DCDC1: variants seen among roughly 807,000 people sequenced by gnomAD.
DCDC1 encodes the protein doublecortin domain-containing protein 1.
DCDC1 carries 200 observed loss-of-function variants against 178.3 expected under a neutral mutation model. The observed-to-expected ratio is 1.12, with a 90% CI of 1.00 to 1.26. The LOEUF is 1.26. Ranked by LOEUF, DCDC1 falls within the 50% of genes most tolerant of loss-of-function variation. The pLI, the probability that DCDC1 is intolerant of heterozygous loss-of-function variation, is 0.00. For missense variants in DCDC1, 1,983 were observed against 1,749.2 expected, an observed-to-expected ratio of 1.13 and a Z score of -2.38; for synonymous variants, 690 against 604.8, an observed-to-expected ratio of 1.14 and a Z score of -2.07.
intron 11 of DCDC1, among the ~76,000 whole-genome samples, chr11:31,124,029 A>G (rs1386097081): frequency 6.6e-6 from 1 of 152,048 alleles, no homozygotes; most frequent in Non-Finnish European, 1.5e-5. Context: ...GCTGGTATGG[A>G]AAGTATTTTA....
In DCDC1 at chr11:30,884,592, A is replaced by G. The variant is rs148363058; in HGVS notation, c.5083-3284T>C. ...ATAAATGTTAAAATATTAATAGTTT[A>G]CCTGTTCACTGAAAATAGGCATTTT... is the stretch of plus-strand genomic sequence containing the variant. On this transcript the variant is annotated intron_variant, in intron 36 of 38. Coordinates refer to ENST00000684477, the MANE Select transcript of DCDC1 (RefSeq NM_001387274.1). Among the ~76,000 whole-genome samples the G allele has an allele frequency of 5.7e-3, 868 of 152,262 alleles. 9 individuals are homozygous for G. The highest frequency in any genetic ancestry group is 0.01 in the Non-Finnish European group (694 of 68,004).
chr11:30,896,710 G>A (rs1228345178), intron 34 of DCDC1, among the ~76,000 whole-genome samples: 1 of 152,144 alleles, frequency 6.6e-6, no homozygotes, highest in Non-Finnish European at 1.5e-5. Context: ...GTGGGTAAAC[G>A]AGTTGCCTTT....
Position 30,958,628 on chromosome 11 carries a change from G to A in DCDC1, c.2592-6060C>T, listed in dbSNP as rs1466252121. On this transcript the variant is annotated intron_variant, in intron 20 of 38. Coordinates refer to ENST00000684477, the MANE Select transcript of DCDC1 (RefSeq NM_001387274.1). ...TGCAATAATCCCAGCATTACATGGT[G>A]GTGTGTCCTTAACAGCTAGAATACA... Among the ~76,000 whole-genome samples the A allele has an allele frequency of 2.0e-5, 3 of 152,212 alleles. No homozygotes were observed. The East Asian group carries it at 5.8e-4, about 29-fold the overall frequency.
chr11:31,342,118 GCTGGAGAACT>G (rs1950585130), intron 1 of DCDC1, among the ~76,000 whole-genome samples: 1 of 152,180 alleles, frequency 6.6e-6, no homozygotes, highest in Admixed American at 6.5e-5. Flanking sequence ...GGAGGGGACA[GCTGGAGAACT>G]TTCCTTTTGA....
intron 20 of DCDC1, among the ~76,000 whole-genome samples, chr11:30,984,004 G>A (rs891562313): frequency 3.3e-5 from 5 of 152,186 alleles, no homozygotes; most frequent in Middle Eastern, 3.2e-3. Flanking sequence ...CAATAGTGGA[G>A]GAATGCCAGT....
At chr11:31,020,540 C>T (rs1051139168) in intron 20 of DCDC1, among the ~76,000 whole-genome samples, 2 of 152,174 alleles carry the variant, frequency 1.3e-5, no homozygotes, top group African/African-American at 4.8e-5. Context: ...CTTCTCTTTC[C>T]TCATTTTCAG....
At chr11:30,934,309 T>A (rs994289253) in intron 21 of DCDC1, among the ~76,000 whole-genome samples, 4 of 152,148 alleles carry the variant, frequency 2.6e-5, no homozygotes, top group Non-Finnish European at 5.9e-5. Context: ...GCCATGTGTA[T>A]TTTCAGGTAT....
At chr11:31,081,730 A>C (rs1957189064) in intron 17 of DCDC1, among the ~76,000 whole-genome samples, 1 of 152,226 alleles carries the variant, frequency 6.6e-6, no homozygotes, top group Non-Finnish European at 1.5e-5. Context: ...AGAAAATTCT[A>C]CTAAAACCAT....
chr11:31,128,040 C>T (rs965274633), intron 10 of DCDC1, among the ~76,000 whole-genome samples: 2 of 151,974 alleles, frequency 1.3e-5, no homozygotes, highest in Middle Eastern at 3.4e-3. Flanking sequence ...CATGTATCTT[C>T]CTTTTTAGAA....
intron 9 of DCDC1, among the ~76,000 whole-genome samples, chr11:31,146,874 C>G (rs1964510256): frequency 6.6e-6 from 1 of 152,158 alleles, no homozygotes; most frequent in Non-Finnish European, 1.5e-5. Flanking sequence ...ACTTCCATGA[C>G]CTAGGACACA....
intron 20 of DCDC1, among the ~76,000 whole-genome samples, chr11:31,017,652 T>G (rs1952572950): frequency 6.6e-6 from 1 of 151,886 alleles, no homozygotes; most frequent in Non-Finnish European, 1.5e-5. Context: ...GAATCACAGC[T>G]CACTGCAGCC....
chr11:31,097,399 A>G (rs999261566), intron 15 of DCDC1, among the ~76,000 whole-genome samples: 1 of 152,230 alleles, frequency 6.6e-6, no homozygotes, highest in Non-Finnish European at 1.5e-5. Flanking sequence ...ATTCTATTGC[A>G]AAGAAATTTT....
At chr11:31,195,495 A>G (rs1970592726) in intron 9 of DCDC1, among the ~76,000 whole-genome samples, 2 of 152,042 alleles carry the variant, frequency 1.3e-5, no homozygotes, top group Non-Finnish European at 2.9e-5. Context: ...TTGGCAACTG[A>G]AGTTGTACGG....
At chr11:31,311,053 C>A (rs544340771) in intron 3 of DCDC1, among the ~76,000 whole-genome samples, 2 of 152,188 alleles carry the variant, frequency 1.3e-5, no homozygotes, top group Non-Finnish European at 2.9e-5. Flanking sequence ...TATCCTCCCC[C>A]TTTCCTCATG....
chr11:31,181,659 G>A (rs1370277233), intron 9 of DCDC1, among the ~76,000 whole-genome samples: 1 of 152,134 alleles, frequency 6.6e-6, no homozygotes, highest in Non-Finnish European at 1.5e-5. Context: ...CAAAAAGAAA[G>A]AAATAGTATC....
chr11:31,047,989 G>A (rs577422045), intron 20 of DCDC1, among the ~76,000 whole-genome samples: 156 of 152,162 alleles, frequency 1.0e-3, no homozygotes, highest in African/African-American at 3.3e-3. Context: ...GCCATTTACC[G>A]AACATTTACT....
intron 14 of DCDC1, 89 bp from the exon 15 acceptor site, chr11:31,102,371 A>G: frequency 1.9e-6 from 1 of 535,048 alleles, no homozygotes; most frequent in South Asian, 2.8e-5. Flanking sequence ...AATACTCTTT[A>G]TGCTTTATGT....
chr11:31,083,258 G>C (rs1489581521), intron 17 of DCDC1, among the ~76,000 whole-genome samples: 1 of 152,168 alleles, frequency 6.6e-6, no homozygotes, highest in Non-Finnish European at 1.5e-5. Flanking sequence ...ATTGGACAGG[G>C]TTCCATGTAA....
chr11:31,367,487 T>C (rs534493855), intron 1 of DCDC1, among the ~76,000 whole-genome samples: 36 of 152,186 alleles, frequency 2.4e-4, no homozygotes, highest in Non-Finnish European at 4.9e-4. Context: ...ATGTTTAATG[T>C]ATGGAGATAA....
Sources: gnomAD v4.1 joint callset for allele counts (sites outside exome capture counted in the v4.1 genomes callset) on GRCh38, gnomAD v4.1.1 for gene constraint, MANE v1.5 for transcripts, NCBI Gene and HGNC (gene_info 2026-07-23, HGNC 2026-07-21) for gene names.